PPP4R1: variants seen among roughly 807,000 people sequenced by gnomAD.
PPP4R1 encodes the protein protein phosphatase 4 regulatory subunit 1.
A neutral mutation model predicts 111.2 loss-of-function variants in PPP4R1; 42 were observed. The observed-to-expected ratio is 0.38, with a 90% CI of 0.29 to 0.49. PPP4R1 has a LOEUF of 0.49. Ranked by LOEUF, PPP4R1 falls within the 20% of genes least tolerant of loss-of-function variation. The pLI, the probability that PPP4R1 is intolerant of heterozygous loss-of-function variation, is 0.97. For missense variants in PPP4R1, 1,012 were observed against 1,161.6 expected (o/e 0.87, Z 1.87); for synonymous variants, 409 against 405.5 (o/e 1.01, Z -0.10).
At chr18:9,582,611 A>G (rs1437571337) in intron 9 of PPP4R1, among the ~76,000 whole-genome samples, 2 of 152,200 alleles carry the variant, frequency 1.3e-5, no homozygotes, top group African/African-American at 4.8e-5. Flanking sequence ...GAGATAATCA[A>G]TAACAATTCT....
At chr18:9,553,928 C>G (rs559347557) in intron 15 of PPP4R1, among the ~76,000 whole-genome samples, 3 of 152,306 alleles carry the variant, frequency 2.0e-5, no homozygotes, top group East Asian at 1.9e-4. Flanking sequence ...AACTGTGCAT[C>G]AGATGGAAAA....
At chr18:9,559,367 C>T in intron 14 of PPP4R1, 52 bp downstream of exon 14, 1 of 1,489,116 alleles carries the variant, frequency 6.7e-7, no homozygotes, top group East Asian at 2.3e-5. Context: ...AAAAGCAAAG[C>T]ACTGTGCCTT....
intron 2 of PPP4R1, among the ~76,000 whole-genome samples, chr18:9,598,680 T>TA (rs1365327798): frequency 6.6e-5 from 10 of 152,078 alleles, no homozygotes; most frequent in African/African-American, 2.4e-4. Context: ...AAAGGAAAAT[T>TA]ACACCAGATG....
At chr18:9,587,031 A>C (rs1487767664) in intron 6 of PPP4R1, among the ~76,000 whole-genome samples, 1 of 152,152 alleles carries the variant, frequency 6.6e-6, no homozygotes, top group Non-Finnish European at 1.5e-5. Flanking sequence ...ATATCCTGGG[A>C]AATGTACTTG....
At chr18:9,580,591 C>G (rs949933535) in intron 9 of PPP4R1, among the ~76,000 whole-genome samples, 18 of 152,266 alleles carry the variant, frequency 1.2e-4, no homozygotes, top group African/African-American at 4.3e-4. Flanking sequence ...ACCTCGTGAT[C>G]CACCCGTCTC....
intron 2 of PPP4R1, among the ~76,000 whole-genome samples, chr18:9,609,868 G>T (rs548470942): frequency 6.6e-6 from 1 of 152,148 alleles, no homozygotes; most frequent in African/African-American, 2.4e-5. Flanking sequence ...GAATCAGAAG[G>T]CCTAGCTTAA....
At chr18:9,602,367 TAAAAAAAAAAAAAAA>T (rs11324056) in intron 2 of PPP4R1, among the ~76,000 whole-genome samples, 1 of 45,142 alleles carries the variant, frequency 2.2e-5, no homozygotes, top group African/African-American at 1.0e-4. Flanking sequence ...CCATCTCTAC[TAAAAAAAAAAAAAAA>T]AAAAAAAAAA....
At chr18:9,615,669 T>G (rs62088911), upstream of PPP4R1, among the ~76,000 whole-genome samples, 19,387 of 152,232 alleles carry the variant, frequency 0.13, 1,584 homozygotes, top group African/African-American at 0.23. Context: ...CAAAATGGTG[T>G]TCTCCTAAAG....
intron 11 of PPP4R1, among the ~76,000 whole-genome samples, chr18:9,567,303 G>A (rs890440161): frequency 1.3e-5 from 2 of 152,340 alleles, no homozygotes; most frequent in Non-Finnish European, 1.5e-5. Flanking sequence ...AAAATTAGGA[G>A]TGGAGCTTGA....
Position 9,550,285 on chromosome 18 carries a change from T to C in PPP4R1, c.2405A>G (p.Tyr802Cys), listed in dbSNP as rs2066468579. Residue 802 changes from tyrosine (Y) to cysteine (C), a missense_variant, in exon 17 of 20, where the codon TAC becomes TGC. By Grantham distance (194) the Tyr-to-Cys change is radical. Transcript: ENST00000400556. ...TAAAAGTTCAATACATACCAACTTG[T>C]AGGAAATCCAACGAACAGAAGAAAC... Reference protein sequence around the residue: ...DKVSSVRWISYKLVSEMVKKL... With the variant: ...DKVSSVRWISCKLVSEMVKKL... 1.2e-6 allele frequency: 2 copies of C among 1,613,890 alleles called. No individual in the cohort carries two copies. The highest frequency in any genetic ancestry group is 1.7e-5 in the Admixed American group (1 of 59,954).
intron 6 of PPP4R1, among the ~76,000 whole-genome samples, 165 bp downstream of exon 6, chr18:9,587,924 C>T (rs1268757650): frequency 6.6e-6 from 1 of 151,976 alleles, no homozygotes; most frequent in Non-Finnish European, 1.5e-5. Context: ...ACCATATTGC[C>T]CAGGCTGGTC....
chr18:9,558,749 G>C (rs372264453), intron 14 of PPP4R1, among the ~76,000 whole-genome samples: 1 of 149,998 alleles, frequency 6.7e-6, no homozygotes. Flanking sequence ...TGAAGGAACA[G>C]GTGTGTTCAA....
At chr18:9,597,882 A>C (rs1000434401) in intron 2 of PPP4R1, among the ~76,000 whole-genome samples, 9 of 152,244 alleles carry the variant, frequency 5.9e-5, no homozygotes, top group Non-Finnish European at 1.3e-4. Context: ...CAGACCCAGG[A>C]CAAAAAATAT....
chr18:9,604,146 T>G (rs1181336936), intron 2 of PPP4R1, among the ~76,000 whole-genome samples: 1 of 152,214 alleles, frequency 6.6e-6, no homozygotes, highest in Non-Finnish European at 1.5e-5. Context: ...GGAGAAAATT[T>G]TGAATGTCAA....
At chr18:9,576,721 C>T (rs1375891813) in intron 10 of PPP4R1, among the ~76,000 whole-genome samples, 1 of 148,700 alleles carries the variant, frequency 6.7e-6, no homozygotes, top group East Asian at 1.9e-4. Context: ...GTAACAATTA[C>T]CCTGTATATT....
chr18:9,553,227 G>C, intron 16 of PPP4R1, 95 bp downstream of exon 16: 1 of 952,640 alleles, frequency 1.0e-6, no homozygotes, highest in Non-Finnish European at 1.6e-6. Flanking sequence ...TAGAAACTTG[G>C]ATCTACACAA....
At chr18:9,602,257 C>T (rs923632191) in intron 2 of PPP4R1, among the ~76,000 whole-genome samples, 2 of 149,644 alleles carry the variant, frequency 1.3e-5, no homozygotes, top group Admixed American at 6.7e-5. Context: ...TGTGGCCAGG[C>T]GCGGTGGCTC....
At position 9,574,194 on chromosome 18, in the gene PPP4R1, C is replaced by A. The variant is rs557180320; in HGVS notation, c.1046+2870G>T. On this transcript the variant is annotated intron_variant, in intron 10 of 19. Coordinates refer to ENST00000400556, the MANE Select transcript of PPP4R1 (RefSeq NM_001042388.3). ...CCTGTCTCCTAAGAGACGTAGGTATCAAGAGCACCAGAGGACAGTCCAGAA... is the reference window on the plus strand; with the variant it reads ...CCTGTCTCCTAAGAGACGTAGGTATAAAGAGCACCAGAGGACAGTCCAGAA... 3.9e-5 allele frequency among the ~76,000 whole-genome samples: 6 copies of A among 152,212 alleles called. No homozygotes were observed. In the East Asian group the frequency reaches 1.2e-3, roughly 29 times the overall value.
rs1427764311 is a variant in PPP4R1 at position 9,550,400 on chromosome 18, T to C, written c.2292-2A>G. Reference sequence around the variant, plus strand: ...AACTCTAGAAGTAAAATCAGCTGTCTACAAAAAGGAATTACAAAAAGACAA... The same window carrying C: ...AACTCTAGAAGTAAAATCAGCTGTCCACAAAAAGGAATTACAAAAAGACAA... On this transcript the variant is annotated splice_acceptor_variant, in intron 16 of 19. Coordinates refer to ENST00000400556, the MANE Select transcript of PPP4R1 (RefSeq NM_001042388.3). LOFTEE classifies it high-confidence loss of function. The C allele has an allele frequency of 1.3e-6, 2 of 1,576,466 alleles. No homozygotes were observed. The highest frequency in any genetic ancestry group is 1.2e-5 in the South Asian group (1 of 85,870).
Sources: gnomAD v4.1 joint callset for allele counts (sites outside exome capture counted in the v4.1 genomes callset) on GRCh38, gnomAD v4.1.1 for gene constraint, MANE v1.5 for transcripts, NCBI Gene and HGNC (gene_info 2026-07-23, HGNC 2026-07-21) for gene names.